The following CRPPA variants were observed in gnomAD, a reference collection of about 807,000 sequenced individuals.
CRPPA encodes the protein D-ribitol-5-phosphate cytidylyltransferase.
CRPPA carries 43 observed loss-of-function variants against 52.0 expected under a neutral mutation model. The observed-to-expected ratio is 0.83, with a 90% CI of 0.65 to 1.07. The LOEUF (loss-of-function observed/expected upper bound fraction) is 1.07, where lower values mean the gene tolerates loss of function less well. CRPPA is among the 50% of genes least tolerant of loss of function. The pLI is 0.00. For missense variants in CRPPA, 629 were observed against 551.7 expected (o/e 1.14, Z -1.40); for synonymous variants, 250 against 203.5 (o/e 1.23, Z -1.94).
chr7:16,305,925 C>T, intron 4 of CRPPA, among the ~76,000 whole-genome samples: 1 of 152,132 alleles, frequency 6.6e-6, no homozygotes, highest in East Asian at 1.9e-4. Context: ...AGTCTGGAGA[C>T]TAGACATCCG....
rs1318793666 is a variant in CRPPA at position 16,403,571 on chromosome 7, A to G, written c.534+2490T>C. Among the ~76,000 whole-genome samples the G allele has an allele frequency of 7.9e-5, 12 of 152,258 alleles. No homozygotes were observed. The South Asian group carries it at 1.5e-3, about 18-fold the overall frequency. On this transcript the variant is annotated intron_variant, in intron 2 of 9. Coordinates refer to ENST00000407010, the MANE Select transcript of CRPPA (RefSeq NM_001101426.4). ...AGGAAGAAAAAATAATCAGTTAAGG[A>G]GTCTGTAGAAAACTATCTAAGACAA...
intron 8 of CRPPA, among the ~76,000 whole-genome samples, chr7:16,217,990 C>G (rs1415670370): frequency 4.0e-5 from 6 of 150,618 alleles, no homozygotes; most frequent in African/African-American, 1.2e-4. Context: ...ACATAATTGT[C>G]AGATTCACCA....
Position 16,118,378 on chromosome 7 carries a change from C to T in CRPPA, c.1252-26579G>A, listed in dbSNP as rs565778100. 1.1e-4 allele frequency among the ~76,000 whole-genome samples: 17 copies of T among 152,320 alleles called. 1 individual carries two copies. The South Asian group carries it at 1.2e-3, about 11-fold the overall frequency. On this transcript the variant is annotated intron_variant, in intron 9 of 9. Coordinates refer to ENST00000407010, the MANE Select transcript of CRPPA (RefSeq NM_001101426.4). The stretch of plus-strand genomic sequence containing the variant: ...ATACTGTGCCTGCACTGCTCCTACA[C>T]GTGACTGCTGGCATTGAGTTAGACT...
At chr7:16,093,801 C>T (rs983178300) in intron 9 of CRPPA, among the ~76,000 whole-genome samples, 1 of 152,102 alleles carries the variant, frequency 6.6e-6, no homozygotes, top group South Asian at 2.1e-4. Context: ...TATTGATATG[C>T]ATTTGTCATT....
At chr7:16,214,223 G>A (rs1051180118) in intron 9 of CRPPA, among the ~76,000 whole-genome samples, 1 of 152,110 alleles carries the variant, frequency 6.6e-6, no homozygotes, top group African/African-American at 2.4e-5. Context: ...TTGTTTATGT[G>A]AAATTCAAAT....
intron 9 of CRPPA, among the ~76,000 whole-genome samples, chr7:16,117,170 T>C (rs924317034): frequency 3.3e-5 from 5 of 152,198 alleles, no homozygotes; most frequent in Non-Finnish European, 7.4e-5. Context: ...GAAACATGCT[T>C]TCAGTATTCC....
At position 16,088,914 on chromosome 7, in the gene CRPPA, A is replaced by G. The variant is rs1209369657; in HGVS notation, c.*2781T>C. On this transcript the variant is annotated 3_prime_UTR_variant, in exon 10 of 10. Transcript: ENST00000407010. ...TGTTCATTCAGTGCCTCTGGCTTAT[A>G]TATCACGTCTTATATATCAGACGTG... 1.6e-5 allele frequency: 3 copies of G among 191,004 alleles called. No homozygotes were observed. The highest frequency in any genetic ancestry group is 3.4e-5 in the Non-Finnish European group (3 of 89,022). 11.8% of individuals were successfully genotyped at this position (191,004 alleles called of 1,614,324 possible).
chr7:16,123,329 C>T (rs997148710), intron 9 of CRPPA, among the ~76,000 whole-genome samples: 2 of 151,932 alleles, frequency 1.3e-5, no homozygotes, highest in African/African-American at 2.4e-5. Flanking sequence ...GCAGGAAATC[C>T]ATTTAACTTG....
chr7:16,376,174 T>A lies in CRPPA; in HGVS notation c.602A>T (p.Tyr201Phe), dbSNP rs1198960792. 6.2e-7 allele frequency: 1 copy of A among 1,613,238 alleles called. No individual in the cohort carries two copies. The highest frequency in any genetic ancestry group is 1.7e-5 in the Admixed American group (1 of 59,896). ...VSPSADGCLD[Y>F]SLERARHRAS... is the part of the protein sequence containing the mutation. ...TCTGTGTCTGGCACGTTCTAGCGAG[T>A]AGTCTAAGCAACCATCAGCAGATGG... The change falls in exon 3 of 10, where the codon TAC becomes TTC. Residue 201 changes from tyrosine (Y) to phenylalanine (F), a missense_variant. Transcript: ENST00000407010.
chr7:16,361,874 A>G (rs1476252988), intron 3 of CRPPA, among the ~76,000 whole-genome samples: 1 of 151,788 alleles, frequency 6.6e-6, no homozygotes, highest in Non-Finnish European at 1.5e-5. Context: ...TTTTTTCTTT[A>G]GACAGAGTCT....
intron 9 of CRPPA, among the ~76,000 whole-genome samples, chr7:16,196,461 T>G (rs1276570022): frequency 1.3e-5 from 2 of 152,206 alleles, no homozygotes; most frequent in African/African-American, 4.8e-5. Flanking sequence ...AGGCTACTTA[T>G]GTGAAGAAAA....
chr7:16,268,045 C>T (rs190839089), intron 6 of CRPPA, among the ~76,000 whole-genome samples: 3 of 152,040 alleles, frequency 2.0e-5, no homozygotes, highest in Admixed American at 1.3e-4. Flanking sequence ...CTGGAACCCC[C>T]ATATAAATTG....
intron 3 of CRPPA, among the ~76,000 whole-genome samples, chr7:16,338,967 C>T (rs1029304540): frequency 6.6e-6 from 1 of 151,998 alleles, no homozygotes; most frequent in African/African-American, 2.4e-5. Context: ...AGGCATCCGT[C>T]ACCACGCCGG....
chr7:16,191,587 G>A (rs908069232), intron 9 of CRPPA, among the ~76,000 whole-genome samples: 10 of 152,048 alleles, frequency 6.6e-5, no homozygotes, highest in Non-Finnish European at 1.0e-4. Context: ...CACAGAGTGC[G>A]CTTGATACTT....
At chr7:16,347,183 T>C (rs1786034571) in intron 3 of CRPPA, among the ~76,000 whole-genome samples, 1 of 151,994 alleles carries the variant, frequency 6.6e-6, no homozygotes, top group South Asian at 2.1e-4. Flanking sequence ...AAACTAAGAT[T>C]GACACCTTAA....
intron 9 of CRPPA, among the ~76,000 whole-genome samples, chr7:16,146,202 C>G (rs1162314198): frequency 6.7e-6 from 1 of 148,492 alleles, no homozygotes; most frequent in Non-Finnish European, 1.5e-5. Flanking sequence ...AAACCTCCAA[C>G]AAACCAAAAA....
chr7:16,355,906 C>G (rs10950614), intron 3 of CRPPA, among the ~76,000 whole-genome samples: 16,285 of 152,148 alleles, frequency 0.11, 1,106 homozygotes, highest in East Asian at 0.36. Flanking sequence ...TCACTGATTA[C>G]CCCATATCAC....
intron 3 of CRPPA, among the ~76,000 whole-genome samples, chr7:16,309,333 T>C (rs773635542): frequency 6.6e-6 from 1 of 152,034 alleles, no homozygotes; most frequent in African/African-American, 2.4e-5. Flanking sequence ...AAATGACACA[T>C]GTATTATGCC....
At chr7:16,420,759 G>C (rs1384949023) in intron 1 of CRPPA, among the ~76,000 whole-genome samples, 1 of 152,110 alleles carries the variant, frequency 6.6e-6, no homozygotes, top group Non-Finnish European at 1.5e-5. Context: ...CCCACAGCTA[G>C]AACCCCAAAT....
Sources: allele counts gnomAD v4.1 joint callset (sites outside exome capture counted in the v4.1 genomes callset), GRCh38; gene constraint gnomAD v4.1.1; transcripts MANE v1.5; gene names NCBI Gene and HGNC (gene_info 2026-07-23, HGNC 2026-07-21).